Variants in KCNK10 observed in about 807,000 individuals in gnomAD.
KCNK10 encodes the protein potassium two pore domain channel subfamily K member 10, also known as potassium channel subfamily K member 10.
Under a neutral mutation model 47.7 loss-of-function variants are expected in KCNK10, and 25 were observed. That is an observed-to-expected ratio of 0.52 (90% CI 0.38 to 0.73). The LOEUF (loss-of-function observed/expected upper bound fraction) is 0.73, where lower values mean the gene tolerates loss of function less well. KCNK10 is among the 30% of genes least tolerant of loss of function. KCNK10 has a pLI of 0.00. For synonymous variants in KCNK10, 303 were observed against 285.6 expected (o/e 1.06, Z -0.61); for missense variants, 563 against 714.5 (o/e 0.79, Z 2.42).
rs150338842 is a variant in KCNK10 at position 88,259,377 on chromosome 14, A to G, written c.402+3825T>C. ...TAAGTCATAGTAGATGGAGATCTAA[A>G]AGCATCCCAGGTCCAGGACTGATGC... On this transcript the variant is annotated intron_variant, in intron 2 of 6. Transcript: ENST00000319231. Among the ~76,000 whole-genome samples, 5 of 152,336 alleles carry G rather than the reference A, an allele frequency of 3.3e-5. No homozygotes were observed. In the East Asian group the frequency reaches 9.6e-4, roughly 29 times the overall value.
intron 5 of KCNK10, among the ~76,000 whole-genome samples, chr14:88,191,299 G>A (rs999662891): frequency 1.3e-5 from 2 of 150,928 alleles, no homozygotes; most frequent in African/African-American, 4.9e-5. Flanking sequence ...TCTGCTTAGG[G>A]CTCAGGTCAG....
At chr14:88,278,520 T>C (rs1335483170) in intron 1 of KCNK10, among the ~76,000 whole-genome samples, 1 of 152,206 alleles carries the variant, frequency 6.6e-6, no homozygotes, top group African/African-American at 2.4e-5. Context: ...GGAATGAAAG[T>C]ACCACATGCA....
At chr14:88,194,713 A>T (rs560036208) in intron 4 of KCNK10, among the ~76,000 whole-genome samples, 30 of 152,238 alleles carry the variant, frequency 2.0e-4, no homozygotes, top group Admixed American at 9.2e-4. Context: ...TGGCATCTTA[A>T]TTGCATCATC....
intron 4 of KCNK10, among the ~76,000 whole-genome samples, chr14:88,205,121 A>G (rs965466276): frequency 1.3e-5 from 2 of 152,224 alleles, no homozygotes; most frequent in Non-Finnish European, 2.9e-5. Flanking sequence ...CTAGAATGTC[A>G]TGTAGTTGGA....
intron 4 of KCNK10, among the ~76,000 whole-genome samples, chr14:88,218,733 A>G (rs1488908920): frequency 1.3e-5 from 2 of 152,254 alleles, no homozygotes; most frequent in Admixed American, 6.5e-5. Flanking sequence ...TTCCTACAGC[A>G]TCCTATCAAG....
At chr14:88,271,421 T>C (rs1887402812) in intron 1 of KCNK10, among the ~76,000 whole-genome samples, 1 of 152,022 alleles carries the variant, frequency 6.6e-6, no homozygotes, top group Admixed American at 6.6e-5. Flanking sequence ...AAATCCAGAG[T>C]CAAGGTGTTA....
At chr14:88,198,939 AG>A (rs2139836329) in intron 4 of KCNK10, among the ~76,000 whole-genome samples, 1 of 25,322 alleles carries the variant, frequency 3.9e-5, no homozygotes, top group African/African-American at 1.1e-4. Flanking sequence ...TATTTTTTTG[AG>A]GCAGAGTCTC....
chr14:88,187,482 G>C (rs1595069161), intron 6 of KCNK10, among the ~76,000 whole-genome samples: 2 of 152,128 alleles, frequency 1.3e-5, no homozygotes, highest in East Asian at 3.9e-4. Context: ...CAACCAAGAG[G>C]GGATAAGTGA....
At chr14:88,312,093 G>C (rs563766578) in intron 1 of KCNK10, among the ~76,000 whole-genome samples, 49 of 152,178 alleles carry the variant, frequency 3.2e-4, no homozygotes, top group Middle Eastern at 3.4e-3. Context: ...ACAATGTCCA[G>C]CTCCTGATCA....
chr14:88,305,007 G>A (rs1888177072), intron 1 of KCNK10, among the ~76,000 whole-genome samples: 1 of 152,130 alleles, frequency 6.6e-6, no homozygotes, highest in African/African-American at 2.4e-5. Flanking sequence ...AGACAAGCCT[G>A]GCCAATGTGG....
At chr14:88,296,638 C>A (rs1048796620) in intron 1 of KCNK10, among the ~76,000 whole-genome samples, 3 of 152,196 alleles carry the variant, frequency 2.0e-5, no homozygotes, top group Non-Finnish European at 4.4e-5. Context: ...GATGCATAGA[C>A]ATGAGGCATC....
intron 1 of KCNK10, among the ~76,000 whole-genome samples, chr14:88,310,062 A>G (rs1157308464): frequency 6.9e-6 from 1 of 145,674 alleles, no homozygotes; most frequent in African/African-American, 2.5e-5. Flanking sequence ...GGCTGTACCC[A>G]CGGGTAATTG....
At chr14:88,257,682 G>A (rs1237985094) in intron 2 of KCNK10, among the ~76,000 whole-genome samples, 1 of 152,190 alleles carries the variant, frequency 6.6e-6, no homozygotes, top group Non-Finnish European at 1.5e-5. Context: ...TTCCTCGCCT[G>A]TATGTGGGCA....
At chr14:88,289,117 C>T (rs1887826465) in intron 1 of KCNK10, among the ~76,000 whole-genome samples, 1 of 152,170 alleles carries the variant, frequency 6.6e-6, no homozygotes, top group African/African-American at 2.4e-5. Flanking sequence ...CCAACCTTCA[C>T]CCCACCTCTG....
intron 1 of KCNK10, among the ~76,000 whole-genome samples, chr14:88,306,132 T>A (rs1888198171): frequency 6.6e-6 from 1 of 152,194 alleles, no homozygotes; most frequent in South Asian, 2.1e-4. Flanking sequence ...ATCTGCTACA[T>A]CAGACTGGGC....
At chr14:88,244,597 G>C (rs1886575002) in intron 2 of KCNK10, among the ~76,000 whole-genome samples, 1 of 152,098 alleles carries the variant, frequency 6.6e-6, no homozygotes, top group Admixed American at 6.5e-5. Flanking sequence ...GAACCTGGGA[G>C]GTGGAGCTTG....
At chr14:88,253,099 C>CA (rs1886844826) in intron 2 of KCNK10, among the ~76,000 whole-genome samples, 2 of 152,168 alleles carry the variant, frequency 1.3e-5, no homozygotes, top group Admixed American at 1.3e-4. Flanking sequence ...GGGGCAGCAA[C>CA]AGTGGCCGCC....
intron 3 of KCNK10, chr14:88,234,913 A>C: frequency 3.3e-6 from 1 of 306,652 alleles, no homozygotes; most frequent in Non-Finnish European, 6.5e-6. Context: ...AAAAAGAAGA[A>C]GCTCAGAAAA....
rs566928570 is a variant in KCNK10 at position 88,323,021 on chromosome 14, G to A, written c.-223C>T. ...TGTTTGCACCGGCCAGGGGGTGGCC[G>A]GCCGCGGCCCCGTGGGTAAAAGAAA... On this transcript the variant is annotated 5_prime_UTR_variant, in exon 1 of 7. Transcript: ENST00000319231. 17 of 1,358,364 alleles carry A rather than the reference G, an allele frequency of 1.3e-5. No homozygotes were observed. Among genetic ancestry groups the A allele is most frequent in the African/African-American group, 1.5e-5 (1 of 67,874 alleles). 84.1% of individuals were successfully genotyped at this position (1,358,364 alleles called of 1,614,324 possible). A position where few individuals can be genotyped will look rare whatever the true frequency, so the allele number is the denominator to read the frequency against.
Sources: gnomAD v4.1 joint callset for allele counts (sites outside exome capture counted in the v4.1 genomes callset) on GRCh38, gnomAD v4.1.1 for gene constraint, MANE v1.5 for transcripts, NCBI Gene and HGNC (gene_info 2026-07-23, HGNC 2026-07-21) for gene names.